AGBL1: variants seen among roughly 807,000 people sequenced by gnomAD.
AGBL1 encodes AGBL carboxypeptidase 1.
A neutral mutation model predicts 118.9 loss-of-function variants in AGBL1; 130 were observed. The observed-to-expected ratio is 1.09, with a 90% CI of 0.95 to 1.26. The LOEUF (loss-of-function observed/expected upper bound fraction) is 1.26, where lower values mean the gene tolerates loss of function less well. Among genes scored for constraint, AGBL1 ranks in the 50% most tolerant of loss-of-function variants. The pLI, the probability that AGBL1 is intolerant of heterozygous loss-of-function variation, is 0.00. For synonymous variants in AGBL1, 555 were observed against 478.9 expected (o/e 1.16, Z -2.08); for missense variants, 1,584 against 1,298.1 (o/e 1.22, Z -3.38).
At chr15:86,813,906 TC>T (rs1315481975) in intron 22 of AGBL1, among the ~76,000 whole-genome samples, 3 of 152,192 alleles carry the variant, frequency 2.0e-5, no homozygotes, top group African/African-American at 7.2e-5. Flanking sequence ...TACTTCTTTT[TC>T]CACATAGAAT....
intron 7 of AGBL1, among the ~76,000 whole-genome samples, chr15:86,254,521 G>C (rs1296576212): frequency 2.0e-5 from 3 of 152,246 alleles, no homozygotes; most frequent in Non-Finnish European, 4.4e-5. Context: ...GATGTTAACT[G>C]TGACGGAAGC....
chr15:86,204,297 C>G (rs905973116), intron 5 of AGBL1, among the ~76,000 whole-genome samples: 1 of 152,212 alleles, frequency 6.6e-6, no homozygotes, highest in African/African-American at 2.4e-5. Context: ...CATTCCAGCT[C>G]ACTCCTGGTA....
intron 22 of AGBL1, among the ~76,000 whole-genome samples, chr15:86,681,124 C>T (rs966017464): frequency 2.6e-5 from 4 of 152,102 alleles, no homozygotes; most frequent in Non-Finnish European, 5.9e-5. Context: ...TATCTGTTTT[C>T]TCACCTCTGT....
intron 21 of AGBL1, among the ~76,000 whole-genome samples, chr15:86,564,119 A>T (rs2083874842): frequency 6.6e-6 from 1 of 152,200 alleles, no homozygotes; most frequent in Non-Finnish European, 1.5e-5. Context: ...TGGAGAATTT[A>T]GCCCATTTAT....
chr15:86,639,820 G>T (rs945029716), intron 21 of AGBL1, among the ~76,000 whole-genome samples: 2 of 152,188 alleles, frequency 1.3e-5, no homozygotes, highest in Non-Finnish European at 2.9e-5. Flanking sequence ...GGAAACCCAT[G>T]TATATTAATA....
intron 1 of AGBL1, among the ~76,000 whole-genome samples, chr15:86,133,926 CT>C (rs2076851944): frequency 6.6e-6 from 1 of 152,188 alleles, no homozygotes; most frequent in East Asian, 1.9e-4. Flanking sequence ...TAGCAGACGT[CT>C]TTCTTATATG....
In AGBL1 at chr15:86,763,513, T is replaced by C. The variant is rs531882651; in HGVS notation, c.3158+89077T>C. ...AGATGATGGGGCAGATATTCTTTTATGAATATCTGGGAGAGCTATAGGACT... is the reference window on the plus strand; with the variant it reads ...AGATGATGGGGCAGATATTCTTTTACGAATATCTGGGAGAGCTATAGGACT... On this transcript the variant is annotated intron_variant, in intron 22 of 22. Coordinates refer to ENST00000614907, the MANE Select transcript of AGBL1 (RefSeq NM_001386094.1). 2.4e-4 allele frequency among the ~76,000 whole-genome samples: 37 copies of C among 152,118 alleles called. No individual in the cohort carries two copies. In the East Asian group the frequency reaches 7.0e-3, roughly 29 times the overall value.
At chr15:86,708,435 T>C (rs1001591279) in intron 22 of AGBL1, among the ~76,000 whole-genome samples, 40 of 152,118 alleles carry the variant, frequency 2.6e-4, no homozygotes, top group Non-Finnish European at 1.3e-4. Flanking sequence ...AGCAGAACCC[T>C]GCTAGACCTT....
intron 21 of AGBL1, among the ~76,000 whole-genome samples, chr15:86,609,312 T>A (rs2084626588): frequency 6.6e-6 from 1 of 152,034 alleles, no homozygotes; most frequent in African/African-American, 2.4e-5. Context: ...AGACCAGAAA[T>A]CCTAGGAAGC....
rs150564541 is a variant in AGBL1, at chr15:86,311,796, A to G, written c.2374+16388A>G. Among the ~76,000 whole-genome samples, 1,325 of 152,312 alleles carry G rather than the reference A, an allele frequency of 8.7e-3. 16 individuals are homozygous for G. The highest frequency in any genetic ancestry group is 0.03 in the African/African-American group (1,261 of 41,566). On this transcript the variant is annotated intron_variant, in intron 17 of 22. Transcript: ENST00000614907. ...CCACACCCAGCTGTTCTGATCTGTG[A>G]GGCTTGCTTGAGGTACCTTCAGCTG...
chr15:86,469,397 G>T (rs576503929), intron 18 of AGBL1, among the ~76,000 whole-genome samples: 1 of 152,150 alleles, frequency 6.6e-6, no homozygotes, highest in Non-Finnish European at 1.5e-5. Context: ...TTCATCCTGA[G>T]TTGGAGGATT....
chr15:86,496,415 GT>G (rs1229114876), intron 18 of AGBL1, among the ~76,000 whole-genome samples: 5 of 151,950 alleles, frequency 3.3e-5, no homozygotes, highest in African/African-American at 7.2e-5. Flanking sequence ...AATACACAGT[GT>G]TTTTCTGATA....
intron 1 of AGBL1, among the ~76,000 whole-genome samples, chr15:86,085,534 G>C (rs1496872): frequency 0.014 from 2,167 of 152,160 alleles, 34 homozygotes; most frequent in South Asian, 0.075. Context: ...TAGGAACATT[G>C]GACATGACTG....
intron 22 of AGBL1, among the ~76,000 whole-genome samples, chr15:86,789,240 C>G (rs930594704): frequency 6.6e-6 from 1 of 152,160 alleles, no homozygotes; most frequent in South Asian, 2.1e-4. Flanking sequence ...TCCATAGGCT[C>G]CATTGTTAGG....
chr15:86,367,153 G>GA (rs2080900268), intron 17 of AGBL1, among the ~76,000 whole-genome samples: 2 of 152,156 alleles, frequency 1.3e-5, no homozygotes, highest in Non-Finnish European at 2.9e-5. Flanking sequence ...CAACGAAGTA[G>GA]AAAAATCTAT....
intron 22 of AGBL1, among the ~76,000 whole-genome samples, chr15:86,863,373 C>T (rs143067414): frequency 1.3e-3 from 200 of 152,272 alleles, no homozygotes; most frequent in Admixed American, 4.0e-3. Flanking sequence ...TTAGAGCTTT[C>T]AGCATTCACA....
At chr15:86,814,054 G>A (rs1337098124) in intron 22 of AGBL1, among the ~76,000 whole-genome samples, 1 of 152,078 alleles carries the variant, frequency 6.6e-6, no homozygotes, top group Non-Finnish European at 1.5e-5. Context: ...TTTAGACCGG[G>A]GTTCCCAACC....
At chr15:86,550,362 T>G (rs2083647613) in intron 20 of AGBL1, among the ~76,000 whole-genome samples, 1 of 152,098 alleles carries the variant, frequency 6.6e-6, no homozygotes, top group Admixed American at 6.6e-5. Flanking sequence ...AAAAATAGGT[T>G]CAAGTATATA....
intron 6 of AGBL1, among the ~76,000 whole-genome samples, chr15:86,245,721 A>G (rs2078709452): frequency 6.6e-6 from 1 of 152,200 alleles, no homozygotes; most frequent in Non-Finnish European, 1.5e-5. Context: ...AAAGGTCCCT[A>G]TTAGATATGA....
Sources: allele counts gnomAD v4.1 joint callset (sites outside exome capture counted in the v4.1 genomes callset), GRCh38; gene constraint gnomAD v4.1.1; transcripts MANE v1.5; gene names NCBI Gene and HGNC (gene_info 2026-07-23, HGNC 2026-07-21).